DLGAP2: variants seen among roughly 807,000 people sequenced by gnomAD.
DLGAP2 encodes disks large-associated protein 2.
Under a neutral mutation model 100.3 loss-of-function variants are expected in DLGAP2, and 26 were observed. The observed-to-expected ratio is 0.26, with a 90% CI of 0.19 to 0.36. DLGAP2 has a LOEUF of 0.36. Among genes scored for constraint, DLGAP2 ranks in the 10% least tolerant of loss-of-function variants. The pLI is 1.00. For missense variants in DLGAP2, 1,858 were observed against 1,453.2 expected, an observed-to-expected ratio of 1.28 and a Z score of -4.53; for synonymous variants, 886 against 630.1, an observed-to-expected ratio of 1.41 and a Z score of -6.08.
intron 2 of DLGAP2, among the ~76,000 whole-genome samples, chr8:950,051 AGGTCTTTAGGACGCCTTATCTGCCCG>A (rs1799439512): frequency 6.6e-6 from 1 of 152,184 alleles, no homozygotes; most frequent in South Asian, 2.1e-4. Context: ...CAGGGGACCC[AGGTCTTTAGGACGCCTTATCTGCCCG>A]GCAGCACCTG....
intron 1 of DLGAP2, among the ~76,000 whole-genome samples, chr8:865,592 C>G (rs1006894040): frequency 3.9e-5 from 6 of 152,212 alleles, no homozygotes; most frequent in Non-Finnish European, 8.8e-5. Context: ...AAATTGCTCA[C>G]CTCTCTCCAG....
At chr8:813,587 A>T (rs1284059798) in intron 1 of DLGAP2, among the ~76,000 whole-genome samples, 2 of 152,164 alleles carry the variant, frequency 1.3e-5, no homozygotes, top group Non-Finnish European at 2.9e-5. Flanking sequence ...GTAAACTGAT[A>T]TGGAAATTAT....
chr8:1,188,166 C>T (rs1797553861), intron 2 of DLGAP2, among the ~76,000 whole-genome samples: 1 of 131,802 alleles, frequency 7.6e-6, no homozygotes, highest in Admixed American at 7.1e-5. Context: ...ACGTTTCCCT[C>T]ACGGAATCTC....
chr8:1,631,069 A>G (rs1171784991), intron 7 of DLGAP2, among the ~76,000 whole-genome samples: 1 of 151,362 alleles, frequency 6.6e-6, no homozygotes, highest in African/African-American at 2.4e-5. Flanking sequence ...TCTGGGCGGG[A>G]GGTCCGGGTG....
intron 3 of DLGAP2, among the ~76,000 whole-genome samples, chr8:1,432,932 G>A (rs529604694): frequency 3.9e-5 from 6 of 152,262 alleles, no homozygotes; most frequent in African/African-American, 1.2e-4. Context: ...ATCGAGGCGC[G>A]GAGTTGCATG....
chr8:1,245,578 G>T (rs1393306511), intron 2 of DLGAP2, among the ~76,000 whole-genome samples: 1 of 152,184 alleles, frequency 6.6e-6, no homozygotes, highest in Non-Finnish European at 1.5e-5. Context: ...GCCTGGGGCT[G>T]GGGGCATGGA....
intron 1 of DLGAP2, among the ~76,000 whole-genome samples, chr8:829,044 C>T (rs1251557744): frequency 1.3e-5 from 2 of 152,140 alleles, no homozygotes; most frequent in Non-Finnish European, 2.9e-5. Context: ...CTTTGACAAA[C>T]CTGATTTTTT....
At chr8:1,179,958 C>T (rs1013463568) in intron 2 of DLGAP2, among the ~76,000 whole-genome samples, 2 of 152,240 alleles carry the variant, frequency 1.3e-5, no homozygotes, top group Admixed American at 6.5e-5. Context: ...AGATTGGATG[C>T]TTGTTTGAGT....
chr8:1,098,103 C>G (rs959564814), intron 2 of DLGAP2, among the ~76,000 whole-genome samples: 16 of 152,284 alleles, frequency 1.1e-4, no homozygotes, highest in African/African-American at 3.6e-4. Context: ...CAATTCTGCT[C>G]TCAGCAAACG....
chr8:922,101 T>C (rs1798727792), intron 2 of DLGAP2, among the ~76,000 whole-genome samples: 2 of 152,238 alleles, frequency 1.3e-5, no homozygotes, highest in Non-Finnish European at 2.9e-5. Context: ...CGGCTCCTTG[T>C]TTCTTGCAGC....
chr8:1,083,560 A>G (rs1195926440), intron 2 of DLGAP2, among the ~76,000 whole-genome samples: 1 of 152,176 alleles, frequency 6.6e-6, no homozygotes, highest in African/African-American at 2.4e-5. Flanking sequence ...AAATATTTTA[A>G]GTATGAATTT....
At chr8:1,172,396 C>T (rs925678046) in intron 2 of DLGAP2, among the ~76,000 whole-genome samples, 8 of 151,322 alleles carry the variant, frequency 5.3e-5, no homozygotes, top group East Asian at 2.0e-4. Context: ...AGCTTTGTGG[C>T]GTTCTCTGTA....
intron 2 of DLGAP2, among the ~76,000 whole-genome samples, chr8:1,130,079 GGGATCGTGTCAGACACTTCACGCGAGTTA>G (rs1563206978): frequency 2.3e-3 from 4 of 1,744 alleles, no homozygotes; most frequent in Non-Finnish European, 6.5e-3. Context: ...CGTGGGTTAA[GGGATCGTGTCAGACACTTCACGCGAGTTA>G]AGGGATCGTG....
At chr8:1,058,711 T>G (rs1210050043) in intron 2 of DLGAP2, among the ~76,000 whole-genome samples, 2 of 152,210 alleles carry the variant, frequency 1.3e-5, no homozygotes, top group East Asian at 3.9e-4. Flanking sequence ...GGTTGTCACC[T>G]CTTAAGACAG....
chr8:1,191,617 C>A (rs893028467), intron 2 of DLGAP2, among the ~76,000 whole-genome samples: 1 of 151,924 alleles, frequency 6.6e-6, no homozygotes, highest in South Asian at 2.1e-4. Flanking sequence ...CACAACGCGC[C>A]GTATCTGGGT....
intron 3 of DLGAP2, among the ~76,000 whole-genome samples, chr8:1,487,846 A>C (rs1799269251): frequency 6.6e-6 from 1 of 152,200 alleles, no homozygotes; most frequent in Non-Finnish European, 1.5e-5. Context: ...GCCAGCAGGT[A>C]CGTGGTGGCC....
At chr8:1,187,970 T>G (rs1797548437) in intron 2 of DLGAP2, among the ~76,000 whole-genome samples, 1 of 119,658 alleles carries the variant, frequency 8.4e-6, no homozygotes, top group Non-Finnish European at 1.6e-5. Flanking sequence ...TCACGGAATC[T>G]CAAACGCCTG....
chr8:1,176,136 T>G (rs557709202), intron 2 of DLGAP2, among the ~76,000 whole-genome samples: 11 of 152,278 alleles, frequency 7.2e-5, no homozygotes, highest in African/African-American at 2.6e-4. Context: ...TGGAGAGGCC[T>G]CAGGAAACTT....
intron 2 of DLGAP2, among the ~76,000 whole-genome samples, chr8:1,039,696 G>C (rs36150742): frequency 0.03 from 2,046 of 68,586 alleles, 485 homozygotes; most frequent in Non-Finnish European, 0.048. Context: ...AGCTCGGTGT[G>C]CGTGGTCAGC....
Sources: gnomAD v4.1 joint callset for allele counts (sites outside exome capture counted in the v4.1 genomes callset) on GRCh38, gnomAD v4.1.1 for gene constraint, MANE v1.5 for transcripts, NCBI Gene and HGNC (gene_info 2026-07-23, HGNC 2026-07-21) for gene names.